The following SHCBP1L variants were observed in gnomAD, a reference collection of about 807,000 sequenced individuals.
SHCBP1L encodes the protein testicular spindle-associated protein SHCBP1L.
A neutral mutation model predicts 62.5 loss-of-function variants in SHCBP1L; 67 were observed. The observed-to-expected ratio is 1.07, with a 90% CI of 0.88 to 1.31. The LOEUF (loss-of-function observed/expected upper bound fraction) is 1.31. Among genes scored for constraint, SHCBP1L ranks in the 40% most tolerant of loss-of-function variants. The pLI is 0.00. For missense variants in SHCBP1L, 823 were observed against 809.8 expected, an observed-to-expected ratio of 1.02 and a Z score of -0.20; for synonymous variants, 284 against 289.4, an observed-to-expected ratio of 0.98 and a Z score of 0.19.
chr1:182,940,411 T>C lies in SHCBP1L; in HGVS notation c.688A>G (p.Ser230Gly). The C allele has an allele frequency of 6.2e-7, 1 of 1,614,040 alleles. No homozygotes were observed. The highest frequency in any genetic ancestry group is 8.5e-7 in the Non-Finnish European group (1 of 1,179,964). Reference sequence around the variant, plus strand: ...GGATACACTTCCAAAAGAGGCACACTGTGTTCCAGTTCCTCCAAAATCTCA... The same window carrying C: ...GGATACACTTCCAAAAGAGGCACACCGTGTTCCAGTTCCTCCAAAATCTCA... ...VDEILEELEH[S>G]VPLLEVYPVE... The change falls in exon 3 of 10, where the codon AGT (serine) becomes GGT (glycine). Residue 230 changes from serine (S) to glycine (G), a missense_variant. By Grantham distance (56) the Ser-to-Gly change is moderately conservative. Transcript: ENST00000367547.
At chr1:182,933,193 C>T (rs1262786276) in intron 5 of SHCBP1L, among the ~76,000 whole-genome samples, 1 of 152,166 alleles carries the variant, frequency 6.6e-6, no homozygotes, top group Admixed American at 6.5e-5. Flanking sequence ...CATGAGCCAC[C>T]TCACCTGGCC....
In SHCBP1L at chr1:182,947,236, C is replaced by CAAA. The variant is rs761348678; in HGVS notation, c.555+4079_555+4081dup. 1.4e-3 allele frequency among the ~76,000 whole-genome samples: 85 copies of CAAA among 62,102 alleles called. 2 individuals are homozygous for CAAA. The highest frequency in any genetic ancestry group is 7.9e-3 in the South Asian group (15 of 1,896). 40.7% of individuals were successfully genotyped at this position (62,102 alleles called of 152,430 possible). On this transcript the variant is annotated intron_variant, in intron 2 of 9. Transcript: ENST00000367547. ...TGGGTGACAGAGTGAGACTCTGTCT[C>CAAA]AAAAAAAAAAAAAAAAAAAAAATCA...
At chr1:182,929,239 T>C (rs925210948) in intron 6 of SHCBP1L, among the ~76,000 whole-genome samples, 13 of 152,206 alleles carry the variant, frequency 8.5e-5, no homozygotes, top group African/African-American at 3.1e-4. Context: ...CCATTCTACA[T>C]GTACCGGGTA....
At chr1:182,921,032 A>G (rs754569175) in intron 6 of SHCBP1L, among the ~76,000 whole-genome samples, 4 of 152,122 alleles carry the variant, frequency 2.6e-5, no homozygotes, top group Admixed American at 6.5e-5. Context: ...GAGTACCCCT[A>G]TGAGATACTA....
intron 6 of SHCBP1L, among the ~76,000 whole-genome samples, chr1:182,910,599 T>TTGGAGGAA (rs1221238991): frequency 6.6e-6 from 1 of 152,168 alleles, no homozygotes; most frequent in East Asian, 1.9e-4. Flanking sequence ...AGAAAGATTT[T>TTGGAGGAA]TGGAGGAATA....
chr1:182,922,552 TAA>T (rs201825711), intron 6 of SHCBP1L, among the ~76,000 whole-genome samples: 40 of 132,314 alleles, frequency 3.0e-4, no homozygotes, highest in Admixed American at 3.8e-4. Context: ...AGACTCCATC[TAA>T]AAAAAAAAAA....
chr1:182,901,843 A>T (rs1649847319), intron 9 of SHCBP1L, among the ~76,000 whole-genome samples: 1 of 152,132 alleles, frequency 6.6e-6, no homozygotes, highest in Non-Finnish European at 1.5e-5. Context: ...TCACCTAGGA[A>T]ATTACTAAAA....
chr1:182,903,741 C>G (rs183004926), intron 8 of SHCBP1L, among the ~76,000 whole-genome samples: 1 of 152,070 alleles, frequency 6.6e-6, no homozygotes. Context: ...GTGATCCTCC[C>G]GTCTCAGCTC....
chr1:182,951,434 G>GGTATTTAA lies in SHCBP1L; in HGVS notation c.438_439insTTAAATAC (p.Ser148AsnfsTer7). ...TCTTTCAACTTTAATTTTTCTGATA[G>GGTATTTAA]GTATTTACCCATAACTTCATCAGCA... On this transcript the variant is annotated frameshift_variant, in exon 2 of 10. Transcript: ENST00000367547. LOFTEE classifies it high-confidence loss of function. 6.2e-7 allele frequency: 1 copy of GGTATTTAA among 1,605,024 alleles called. No homozygotes were observed.
intron 2 of SHCBP1L, among the ~76,000 whole-genome samples, chr1:182,949,484 G>A (rs1157115260): frequency 6.6e-6 from 1 of 151,992 alleles, no homozygotes; most frequent in East Asian, 1.9e-4. Flanking sequence ...ATCACTTGAG[G>A]TCGGGGGTTC....
chr1:182,914,424 T>C (rs1035550321), intron 6 of SHCBP1L, among the ~76,000 whole-genome samples: 2 of 152,208 alleles, frequency 1.3e-5, no homozygotes, highest in African/African-American at 4.8e-5. Context: ...AAGATACCGA[T>C]GCCTAAAACA....
Position 182,939,506 on chromosome 1 carries a change from CA to C in SHCBP1L, c.817del (p.Cys273ValfsTer71). The C allele has an allele frequency of 1.2e-6, 2 of 1,608,756 alleles. No homozygotes were observed. The highest frequency in any genetic ancestry group is 1.7e-6 in the Non-Finnish European group (2 of 1,177,744). ...LWRDWDDEES[C>X]ENYTALIEER... ...TTCAATAAGTGCAGTATAATTCTCA[CA>C]ACTTTCTTCATCATCCCAGTCTCTC... On this transcript the variant is annotated frameshift_variant, in exon 4 of 10. Coordinates refer to ENST00000367547, the MANE Select transcript of SHCBP1L (RefSeq NM_030933.4). LOFTEE classifies it high-confidence loss of function.
chr1:182,946,879 T>C (rs1372783648), intron 2 of SHCBP1L, among the ~76,000 whole-genome samples: 2 of 152,230 alleles, frequency 1.3e-5, no homozygotes, highest in African/African-American at 2.4e-5. Context: ...GTTGCTGTTT[T>C]ACACGTTGAT....
In SHCBP1L at chr1:182,939,194, C is replaced by T; in HGVS notation, c.1058G>A (p.Trp353Ter). Reference sequence around the variant, plus strand: ...TTATTACCGGAGGCGTAAATCTTCCCACATTTTCAGTAATCCACAGAGCAT... The same window carrying T: ...TTATTACCGGAGGCGTAAATCTTCCTACATTTTCAGTAATCCACAGAGCAT... ...IVMLCGLLKM[W>*]EDLRLRVHGP... is the part of the protein sequence containing the mutation. Residue 353 changes from tryptophan (W) to a stop codon, truncating the protein, a stop_gained, in exon 5 of 10, where the codon TGG (tryptophan) becomes TAG (stop). Transcript: ENST00000367547. LOFTEE classifies it high-confidence loss of function. 1.2e-6 allele frequency: 2 copies of T among 1,610,018 alleles called. No individual in the cohort carries two copies. Among genetic ancestry groups the T allele is most frequent in the Non-Finnish European group, 1.7e-6 (2 of 1,178,726 alleles).
Position 182,926,612 on chromosome 1 carries a change from A to C in SHCBP1L, c.1182+3035T>G, listed in dbSNP as rs908001648. Among the ~76,000 whole-genome samples, 7 of 152,140 alleles carry C rather than the reference A, an allele frequency of 4.6e-5. No homozygotes were observed. In the South Asian group the frequency reaches 1.4e-3, roughly 31 times the overall value. On this transcript the variant is annotated intron_variant, in intron 6 of 9. Transcript: ENST00000367547. ...GAAATATTAAGAAGCAAAACTGTGA[A>C]TCAAATCCAGGTTTTTATGATCTTA...
chr1:182,909,639 A>T (rs1013788776), intron 6 of SHCBP1L, among the ~76,000 whole-genome samples: 23 of 152,184 alleles, frequency 1.5e-4, no homozygotes, highest in Admixed American at 9.2e-4. Flanking sequence ...ATCTGAGTAT[A>T]TGGAGAGCAG....
At chr1:182,902,374 A>T (rs1299613280) in intron 9 of SHCBP1L, among the ~76,000 whole-genome samples, 1 of 152,030 alleles carries the variant, frequency 6.6e-6, no homozygotes, top group African/African-American at 2.4e-5. Context: ...TCAACCAATT[A>T]TCTGACTTAG....
At chr1:182,942,528 G>C (rs1159733223) in intron 2 of SHCBP1L, 2 of 563,634 alleles carry the variant, frequency 3.5e-6, no homozygotes, top group African/African-American at 3.8e-5. Flanking sequence ...CCCACCAAGA[G>C]TAAAATTCTT....
Position 182,929,731 on chromosome 1 carries a change from TG to T in SHCBP1L, c.1097del (p.Pro366GlnfsTer4). ...LRLRVHGPFF[P>X]RILRRRKGKR... ...TTCCTTTCCTACGCCTCAGAATTCTTGGAAAGAAAGGTCCATGAACTCTATA... is the reference window on the plus strand; with the variant it reads ...TTCCTTTCCTACGCCTCAGAATTCTTGAAAGAAAGGTCCATGAACTCTATA... On this transcript the variant is annotated frameshift_variant, in exon 6 of 10. Transcript: ENST00000367547. LOFTEE classifies it high-confidence loss of function. The T allele has an allele frequency of 6.3e-7, 1 of 1,590,450 alleles. No individual in the cohort carries two copies. The highest frequency in any genetic ancestry group is 8.5e-7 in the Non-Finnish European group (1 of 1,173,820).
Sources: allele counts gnomAD v4.1 joint callset (sites outside exome capture counted in the v4.1 genomes callset), GRCh38; gene constraint gnomAD v4.1.1; transcripts MANE v1.5; gene names NCBI Gene and HGNC (gene_info 2026-07-23, HGNC 2026-07-21).